Variants in LYSMD2 observed in about 807,000 individuals in gnomAD.
LYSMD2 encodes the protein LysM domain containing 2.
In LYSMD2, 6 loss-of-function variants were observed where a neutral mutation model predicts 17.7. The observed-to-expected ratio is 0.34, with a 90% confidence interval of 0.19 to 0.67. The LOEUF (loss-of-function observed/expected upper bound fraction) is 0.67. LYSMD2 is among the 30% of genes least tolerant of loss of function. The probability of loss-of-function intolerance (pLI) is 0.69; values close to 1 mark genes in which losing one functional copy is unlikely to be tolerated. For synonymous variants in LYSMD2, 102 were observed against 129.8 expected (o/e 0.79, Z 1.45); for missense variants, 237 against 286.7 (o/e 0.83, Z 1.25).
chr15:51,723,377 T>C lies in LYSMD2; in HGVS notation c.*230A>G, dbSNP rs2055515239. ...AAACTAACACCACCTACAAAAGTGA[T>C]GAGCTTTAGGCTACAACCTTGCCAT... On this transcript the variant is annotated 3_prime_UTR_variant, in exon 3 of 3. Coordinates refer to ENST00000267838, the MANE Select transcript of LYSMD2 (RefSeq NM_153374.3). The C allele has an allele frequency of 2.5e-6, 1 of 403,900 alleles. No individual in the cohort carries two copies. Among genetic ancestry groups the C allele is most frequent in the Admixed American group, 4.2e-5 (1 of 24,096 alleles). The allele number at this position is 403,900 out of a possible 1,614,324, so 25.0% of individuals were successfully genotyped here.
intron 1 of LYSMD2, among the ~76,000 whole-genome samples, chr15:51,742,703 A>C (rs1365639089): frequency 6.6e-6 from 1 of 152,194 alleles, no homozygotes; most frequent in Non-Finnish European, 1.5e-5. Context: ...CATGCATGTA[A>C]TACCAGCACT....
chr15:51,725,928 T>C (rs1398576313), intron 1 of LYSMD2, among the ~76,000 whole-genome samples: 1 of 152,140 alleles, frequency 6.6e-6, no homozygotes, highest in East Asian at 1.9e-4. Context: ...CCGAAGTCCG[T>C]ACAACATCTG....
rs540946762 is a variant in LYSMD2 at position 51,729,552 on chromosome 15, G to A, written c.274-4431C>T. 4.9e-4 allele frequency among the ~76,000 whole-genome samples: 74 copies of A among 152,272 alleles called. 1 individual carries two copies. The highest frequency in any genetic ancestry group is 1.6e-3 in the African/African-American group (68 of 41,548). On this transcript the variant is annotated intron_variant, in intron 1 of 2. Coordinates refer to ENST00000267838, the MANE Select transcript of LYSMD2 (RefSeq NM_153374.3). Reference sequence around the variant, plus strand: ...CGGCTCACTGCAACCTCTTCCTCCCGGGTTTAAGCTATTCTACTGCCTCAG... The same window carrying A: ...CGGCTCACTGCAACCTCTTCCTCCCAGGTTTAAGCTATTCTACTGCCTCAG...
At chr15:51,724,749 G>A (rs747703827) in intron 2 of LYSMD2, 41 bp downstream of exon 2, 1 of 1,423,108 alleles carries the variant, frequency 7.0e-7, no homozygotes, top group Non-Finnish European at 9.7e-7. Flanking sequence ...TCTTAATAGT[G>A]ATTTATTTAG....
upstream of LYSMD2, among the ~76,000 whole-genome samples, chr15:51,742,288 C>T (rs553941793): frequency 1.3e-5 from 2 of 152,340 alleles, no homozygotes; most frequent in South Asian, 4.1e-4. Flanking sequence ...GATCTACCCA[C>T]CTCGGCCTCC....
At chr15:51,750,214 A>G (rs2055690926) in intron 1 of LYSMD2, among the ~76,000 whole-genome samples, 1 of 152,218 alleles carries the variant, frequency 6.6e-6, no homozygotes, top group African/African-American at 2.4e-5. Context: ...ATCATTGGGG[A>G]AAAATACCTT....
intron 1 of LYSMD2, among the ~76,000 whole-genome samples, chr15:51,731,537 A>G (rs1259578773): frequency 6.6e-6 from 1 of 152,242 alleles, no homozygotes; most frequent in Non-Finnish European, 1.5e-5. Context: ...TTAGCAGCTA[A>G]TTGGCAGAGG....
chr15:51,741,577 C>T (rs1009040636), upstream of LYSMD2, among the ~76,000 whole-genome samples: 2 of 152,152 alleles, frequency 1.3e-5, no homozygotes, highest in Non-Finnish European at 2.9e-5. Context: ...ATGTACATAA[C>T]ATAAAATTCA....
At chr15:51,728,510 T>C (rs1021883699) in intron 1 of LYSMD2, among the ~76,000 whole-genome samples, 7 of 151,448 alleles carry the variant, frequency 4.6e-5, no homozygotes, top group Admixed American at 1.3e-4. Flanking sequence ...AAGCAACAGG[T>C]AAGGGCAGAT....
intron 1 of LYSMD2, among the ~76,000 whole-genome samples, chr15:51,751,034 G>A (rs965486443): frequency 1.3e-5 from 2 of 152,242 alleles, no homozygotes; most frequent in Non-Finnish European, 2.9e-5. Context: ...ACTTTTTCAA[G>A]CTTGAAGCCT....
intron 1 of LYSMD2, among the ~76,000 whole-genome samples, chr15:51,729,437 T>C (rs1311091790): frequency 6.6e-6 from 1 of 152,230 alleles, no homozygotes; most frequent in African/African-American, 2.4e-5. Flanking sequence ...TGTTTTCTTT[T>C]GCTTTGGTAT....
upstream of LYSMD2, among the ~76,000 whole-genome samples, chr15:51,739,254 T>C (rs1242442078): frequency 2.6e-5 from 4 of 152,212 alleles, no homozygotes; most frequent in African/African-American, 7.2e-5. Context: ...GCTTGTCTTA[T>C]CTCCTCCAAC....
At chr15:51,738,023 C>G (rs2055624028), upstream of LYSMD2, 1 of 158,418 alleles carries the variant, frequency 6.3e-6, no homozygotes, top group Non-Finnish European at 1.4e-5. Context: ...TGGCAGAACC[C>G]TGCCCTGGCC....
At chr15:51,749,705 G>T (rs1022718009) in intron 1 of LYSMD2, among the ~76,000 whole-genome samples, 5 of 152,118 alleles carry the variant, frequency 3.3e-5, no homozygotes, top group African/African-American at 1.2e-4. Context: ...AAAACTGCTG[G>T]CTCGATCCGT....
At position 51,749,925 on chromosome 15, in the gene LYSMD2, A is replaced by G. The variant is rs576740158; in HGVS notation, c.-1+1346T>C. Among the ~76,000 whole-genome samples, 65 of 152,338 alleles carry G rather than the reference A, an allele frequency of 4.3e-4. 1 individual carries two copies. Among genetic ancestry groups the G allele is most frequent in the African/African-American group, 1.5e-3 (63 of 41,572 alleles). ...TTGTCATTCTGACAGGAGGCCCAAGATATAGTCCATTACCACAATTGATCA... is the reference window on the plus strand; with the variant it reads ...TTGTCATTCTGACAGGAGGCCCAAGGTATAGTCCATTACCACAATTGATCA... On this transcript the variant is annotated intron_variant, in intron 1 of 2. Transcript: ENST00000454181.
intron 1 of LYSMD2, among the ~76,000 whole-genome samples, chr15:51,734,715 T>C (rs1412063959): frequency 1.3e-5 from 2 of 152,214 alleles, no homozygotes; most frequent in Admixed American, 6.5e-5. Context: ...CAATATCTCA[T>C]TTTCGACCTT....
chr15:51,751,411 C>A, exon 1 of LYSMD2: 1 of 699,808 alleles, frequency 1.4e-6, no homozygotes, highest in South Asian at 1.5e-5. Flanking sequence ...CTCCCCGACC[C>A]AGGTGCTTCC....
At chr15:51,743,398 T>A (rs995989682) in intron 1 of LYSMD2, among the ~76,000 whole-genome samples, 1 of 152,258 alleles carries the variant, frequency 6.6e-6, no homozygotes, top group Non-Finnish European at 1.5e-5. Flanking sequence ...TTTTCTCTAT[T>A]AAGTTGTCTC....
chr15:51,740,118 C>T (rs192574725), upstream of LYSMD2, among the ~76,000 whole-genome samples: 3 of 152,128 alleles, frequency 2.0e-5, no homozygotes, highest in East Asian at 1.9e-4. Context: ...CCACTATGCC[C>T]GCCTAATTTT....
Sources: allele counts gnomAD v4.1 joint callset (sites outside exome capture counted in the v4.1 genomes callset), GRCh38; gene constraint gnomAD v4.1.1; transcripts MANE v1.5; gene names NCBI Gene and HGNC (gene_info 2026-07-23, HGNC 2026-07-21).